The following ANO3 variants were observed in gnomAD, a reference collection of about 807,000 sequenced individuals.
The protein encoded by ANO3 is anoctamin 3, also known as anoctamin-3.
In ANO3, 99 loss-of-function variants were observed where a neutral mutation model predicts 144.8. The observed-to-expected ratio is 0.68, with a 90% CI of 0.58 to 0.81. The LOEUF (loss-of-function observed/expected upper bound fraction) is 0.81. ANO3 is among the 30% of genes least tolerant of loss of function. The probability of loss-of-function intolerance (pLI) is 0.00; values close to 1 mark genes in which losing one functional copy is unlikely to be tolerated. For missense variants in ANO3, 905 were observed against 1,202.2 expected (o/e 0.75, Z 3.66); for synonymous variants, 414 against 392.6 (o/e 1.05, Z -0.64).
intron 4 of ANO3, among the ~76,000 whole-genome samples, chr11:26,488,438 TC>T (rs1860555319): frequency 6.6e-6 from 1 of 152,120 alleles, no homozygotes; most frequent in African/African-American, 2.4e-5. Context: ...GTTCTTGGTC[TC>T]GCTGACTTCA....
intron 1 of ANO3, among the ~76,000 whole-genome samples, chr11:26,251,520 AAT>A (rs1852926397): frequency 2.0e-5 from 3 of 152,228 alleles, no homozygotes; most frequent in Non-Finnish European, 2.9e-5. Flanking sequence ...ATTTCTCTTT[AAT>A]GAGATAATCT....
At chr11:26,276,833 T>A (rs905645925) in intron 1 of ANO3, among the ~76,000 whole-genome samples, 1 of 152,116 alleles carries the variant, frequency 6.6e-6, no homozygotes, top group Non-Finnish European at 1.5e-5. Context: ...TTGATGGGTA[T>A]AATTGGTCAG....
chr11:26,365,865 C>T (rs998765840), intron 1 of ANO3, among the ~76,000 whole-genome samples: 1 of 151,752 alleles, frequency 6.6e-6, no homozygotes, highest in African/African-American at 2.4e-5. Flanking sequence ...TGGATATTAG[C>T]GCTTGGCTCC....
chr11:26,480,112 C>G (rs577791935), intron 4 of ANO3, among the ~76,000 whole-genome samples: 1 of 152,160 alleles, frequency 6.6e-6, no homozygotes, highest in African/African-American at 2.4e-5. Context: ...GAGTACAAGT[C>G]TGAGGACAGT....
chr11:26,330,668 A>AT (rs780478621), upstream of ANO3, among the ~76,000 whole-genome samples: 1 of 152,206 alleles, frequency 6.6e-6, no homozygotes, highest in Non-Finnish European at 1.5e-5. Context: ...TGCAAAATCC[A>AT]TAAGTAATAA....
At chr11:26,595,931 C>T (rs773605969) in intron 14 of ANO3, among the ~76,000 whole-genome samples, 3 of 152,116 alleles carry the variant, frequency 2.0e-5, no homozygotes, top group African/African-American at 7.2e-5. Context: ...AGACAGTTGC[C>T]GCTACCAATT....
rs1269212159 is a variant in ANO3, at chr11:26,531,855, A to G, written c.869+519A>G. 3.3e-5 allele frequency among the ~76,000 whole-genome samples: 5 copies of G among 152,150 alleles called. No homozygotes were observed. In the South Asian group the frequency reaches 1.0e-3, roughly 31 times the overall value. ...TACCTACCTACATACATACCTGTTT[A>G]TTTATTCATGTTTTCATTCAACTAG... On this transcript the variant is annotated intron_variant, in intron 8 of 26. Transcript: ENST00000256737.
chr11:26,464,884 G>A (rs1352842590), intron 4 of ANO3, among the ~76,000 whole-genome samples: 2 of 151,730 alleles, frequency 1.3e-5, no homozygotes, highest in Admixed American at 6.6e-5. Flanking sequence ...AGTTTTGAGT[G>A]CAGCATAAAT....
At chr11:26,233,003 G>A (rs2133803821) in intron 1 of ANO3, among the ~76,000 whole-genome samples, 1 of 152,092 alleles carries the variant, frequency 6.6e-6, no homozygotes, top group African/African-American at 2.4e-5. Context: ...GGATCACGAG[G>A]TCAGGAGATC....
intron 24 of ANO3, among the ~76,000 whole-genome samples, chr11:26,654,853 A>G (rs76321327): frequency 7.4e-4 from 113 of 152,284 alleles, no homozygotes; most frequent in African/African-American, 2.7e-3. Flanking sequence ...ATATGATCAT[A>G]TGATTTTCTT....
rs894586657 is a variant in ANO3 at position 26,441,312 on chromosome 11, T to C, written c.47-606T>C. ...TTTTGTATTTTTAGTAGAGACGGGGTTTCACCGTTTTAGCCGGGATGGTCT... is the reference window on the plus strand; with the variant it reads ...TTTTGTATTTTTAGTAGAGACGGGGCTTCACCGTTTTAGCCGGGATGGTCT... On this transcript the variant is annotated intron_variant, in intron 1 of 26. Coordinates refer to ENST00000256737, the MANE Select transcript of ANO3 (RefSeq NM_031418.4). 1.1e-4 allele frequency among the ~76,000 whole-genome samples: 16 copies of C among 150,730 alleles called. No individual in the cohort carries two copies. The South Asian group carries it at 1.9e-3, about 18-fold the overall frequency.
chr11:26,332,506 C>T (rs1041845866), intron 1 of ANO3, among the ~76,000 whole-genome samples, 185 bp downstream of exon 1: 2 of 149,766 alleles, frequency 1.3e-5, no homozygotes, highest in African/African-American at 4.9e-5. Context: ...ATTTTCTGAG[C>T]CTCCGCACAG....
chr11:26,223,735 C>A (rs891101221), intron 1 of ANO3, among the ~76,000 whole-genome samples: 1 of 151,756 alleles, frequency 6.6e-6, no homozygotes, highest in Non-Finnish European at 1.5e-5. Context: ...GACCTCAGGT[C>A]GTTTTTACTC....
chr11:26,616,447 T>TC (rs1278099190), intron 17 of ANO3, among the ~76,000 whole-genome samples: 3 of 151,552 alleles, frequency 2.0e-5, no homozygotes, highest in Admixed American at 6.6e-5. Context: ...TTTTTTTTTT[T>TC]TTTTTTTGGT....
chr11:26,544,023 G>T (rs1204559257), intron 11 of ANO3, among the ~76,000 whole-genome samples: 1 of 151,576 alleles, frequency 6.6e-6, no homozygotes, highest in South Asian at 2.1e-4. Context: ...ATTTTATGCA[G>T]ATGGGAGAAT....
intron 1 of ANO3, among the ~76,000 whole-genome samples, chr11:26,275,170 T>A (rs1431393206): frequency 6.6e-6 from 1 of 152,140 alleles, no homozygotes; most frequent in Non-Finnish European, 1.5e-5. Flanking sequence ...ACCAGCGTTA[T>A]ATTTAGAAGA....
chr11:26,547,255 T>C (rs1849812335), intron 11 of ANO3, among the ~76,000 whole-genome samples, 161 bp from the exon 12 acceptor site: 1 of 151,842 alleles, frequency 6.6e-6, no homozygotes, highest in Admixed American at 6.6e-5. Flanking sequence ...CATCATTGGA[T>C]TAATTAACAA....
chr11:26,218,362 T>A (rs1483474647), intron 1 of ANO3, among the ~76,000 whole-genome samples: 3 of 152,144 alleles, frequency 2.0e-5, no homozygotes, highest in African/African-American at 7.2e-5. Context: ...TTCTCTAATT[T>A]TTTTATTACA....
At chr11:26,372,650 T>C (rs1473984109) in intron 1 of ANO3, among the ~76,000 whole-genome samples, 1 of 152,164 alleles carries the variant, frequency 6.6e-6, no homozygotes, top group Non-Finnish European at 1.5e-5. Flanking sequence ...CTGTTCCAAG[T>C]AGAGCAGTAC....
Sources: gnomAD v4.1 joint callset for allele counts (sites outside exome capture counted in the v4.1 genomes callset) on GRCh38, gnomAD v4.1.1 for gene constraint, MANE v1.5 for transcripts, NCBI Gene and HGNC (gene_info 2026-07-23, HGNC 2026-07-21) for gene names.